PITPNC1: variants seen among roughly 807,000 people sequenced by gnomAD.
PITPNC1 encodes phosphatidylinositol transfer protein cytoplasmic 1, also known as cytoplasmic phosphatidylinositol transfer protein 1.
Under a neutral mutation model 44.7 loss-of-function variants are expected in PITPNC1, and 18 were observed. The ratio of observed to expected loss-of-function variants is 0.40; its 90% CI spans 0.28 to 0.60. PITPNC1 has a LOEUF of 0.60. Among genes scored for constraint, PITPNC1 ranks in the 20% least tolerant of loss-of-function variants. PITPNC1 has a pLI of 0.39. For missense variants in PITPNC1, 290 were observed against 418.4 expected (o/e 0.69, Z 2.68); for synonymous variants, 141 against 149.6 (o/e 0.94, Z 0.42).
intron 8 of PITPNC1, among the ~76,000 whole-genome samples, chr17:67,684,926 T>C (rs942623522): frequency 6.6e-6 from 1 of 152,224 alleles, no homozygotes; most frequent in Non-Finnish European, 1.5e-5. Context: ...ATGATTTCTG[T>C]GGGGATTCAA....
At position 67,651,521 on chromosome 17, in the gene PITPNC1, A is replaced by C. The variant is rs557925127; in HGVS notation, c.463-17987A>C. On this transcript the variant is annotated intron_variant, in intron 6 of 8. Coordinates refer to ENST00000581322, the MANE Select transcript of PITPNC1 (RefSeq NM_012417.4). ...GAATGAGACTCCGTCTAAAAAAAAA[A>C]CCCAAAAAAACAGCTTTATTGAGAT... 1.9e-4 allele frequency among the ~76,000 whole-genome samples: 28 copies of C among 150,206 alleles called. 1 individual carries two copies. The East Asian group carries it at 4.9e-3, about 26-fold the overall frequency.
At chr17:67,627,354 C>T (rs2041908680) in intron 5 of PITPNC1, among the ~76,000 whole-genome samples, 1 of 152,194 alleles carries the variant, frequency 6.6e-6, no homozygotes, top group Non-Finnish European at 1.5e-5. Flanking sequence ...GGTACCCCAC[C>T]CTGAAATATT....
intron 8 of PITPNC1, chr17:67,687,217 C>T: frequency 8.7e-7 from 1 of 1,142,872 alleles, no homozygotes; most frequent in Non-Finnish European, 1.3e-6. Context: ...GTTGCCCACC[C>T]TTTCACAAAT....
intron 2 of PITPNC1, among the ~76,000 whole-genome samples, chr17:67,537,232 A>G (rs1241567598): frequency 6.6e-6 from 1 of 152,222 alleles, no homozygotes; most frequent in African/African-American, 2.4e-5. Flanking sequence ...AGCCAATGCA[A>G]TAAAACAAGA....
In PITPNC1 at chr17:67,490,913, TCTC is replaced by T. The variant is rs1268086802; in HGVS notation, c.49-41882_49-41880del. Among the ~76,000 whole-genome samples, 3 of 152,344 alleles carry T rather than the reference TCTC, an allele frequency of 2.0e-5. No homozygotes were observed. In the East Asian group the frequency reaches 5.8e-4, roughly 29 times the overall value. ...TTCTTTCAAACTTTATACTTACTTC[TCTC>T]CTCCTCTGATTCTATTCAAGGAATG... On this transcript the variant is annotated intron_variant, in intron 1 of 8. Transcript: ENST00000581322.
At chr17:67,452,449 C>T (rs976801129) in intron 1 of PITPNC1, among the ~76,000 whole-genome samples, 20 of 151,450 alleles carry the variant, frequency 1.3e-4, no homozygotes, top group African/African-American at 4.6e-4. Context: ...CATTTGTATA[C>T]AATTCTTGGA....
intron 1 of PITPNC1, among the ~76,000 whole-genome samples, chr17:67,529,527 C>T (rs973783853): frequency 4.6e-5 from 7 of 152,342 alleles, no homozygotes; most frequent in Non-Finnish European, 7.3e-5. Flanking sequence ...AGTGCATTCT[C>T]AACGTTGTGC....
chr17:67,580,376 C>T (rs568147611), intron 5 of PITPNC1, among the ~76,000 whole-genome samples: 2 of 152,194 alleles, frequency 1.3e-5, no homozygotes, highest in African/African-American at 2.4e-5. Context: ...GACAGGGTCT[C>T]GCTCTGTCAC....
chr17:67,656,083 A>ATG (rs2042263953), intron 6 of PITPNC1, among the ~76,000 whole-genome samples: 2 of 152,204 alleles, frequency 1.3e-5, no homozygotes, highest in South Asian at 4.1e-4. Flanking sequence ...TGGAGATAAT[A>ATG]TGTGTACTTC....
Position 67,451,300 on chromosome 17 carries a change from A to G in PITPNC1, c.48+73098A>G, listed in dbSNP as rs559690027. Among the ~76,000 whole-genome samples, 3 of 152,132 alleles carry G rather than the reference A, an allele frequency of 2.0e-5. No homozygotes were observed. In the South Asian group the frequency reaches 6.2e-4, roughly 32 times the overall value. On this transcript the variant is annotated intron_variant, in intron 1 of 8. Transcript: ENST00000581322. ...ACCCACCTTGGCCTCCCAGACTGCT[A>G]AGATTACAGGTGTGAGCCACCGTGC...
intron 2 of PITPNC1, among the ~76,000 whole-genome samples, chr17:67,534,663 GAAAAGA>G (rs2144131984): frequency 6.6e-6 from 1 of 151,620 alleles, no homozygotes; most frequent in South Asian, 2.1e-4. Flanking sequence ...GAAAAGAAAA[GAAAAGA>G]ATAAAGAAAA....
chr17:67,678,024 G>A lies in PITPNC1; in HGVS notation c.682+2482G>A, dbSNP rs150232405. Among the ~76,000 whole-genome samples, 910 of 152,112 alleles carry A rather than the reference G, an allele frequency of 6.0e-3. 10 individuals carry two copies. The highest frequency in any genetic ancestry group is 0.021 in the African/African-American group (873 of 41,512). On this transcript the variant is annotated intron_variant, in intron 8 of 8. Transcript: ENST00000581322. ...GCCCAGGAATTCGAGACCAGCATGG[G>A]CGACATAGCAAGACATCATCTCTAC...
chr17:67,397,428 T>C (rs1310958849), intron 1 of PITPNC1, among the ~76,000 whole-genome samples: 10 of 152,148 alleles, frequency 6.6e-5, no homozygotes, highest in African/African-American at 2.4e-4. Context: ...TGGCCAAAAA[T>C]CTGTTCTCTA....
intron 8 of PITPNC1, among the ~76,000 whole-genome samples, chr17:67,677,033 T>G (rs1234767426): frequency 6.6e-6 from 1 of 152,152 alleles, no homozygotes; most frequent in Non-Finnish European, 1.5e-5. Flanking sequence ...AGTTGTGTTT[T>G]GTGAGGCAGG....
chr17:67,458,757 A>AT (rs202151305), intron 1 of PITPNC1, among the ~76,000 whole-genome samples: 11 of 151,660 alleles, frequency 7.3e-5, no homozygotes, highest in Non-Finnish European at 4.4e-5. Flanking sequence ...AGTGGGGGTT[A>AT]TTTTTTTTCC....
chr17:67,452,469 G>T (rs1401687196), intron 1 of PITPNC1, among the ~76,000 whole-genome samples: 2 of 151,286 alleles, frequency 1.3e-5, no homozygotes, highest in Non-Finnish European at 2.9e-5. Context: ...ATGGACATGT[G>T]CTTTCGTTCC....
At chr17:67,387,415 C>T (rs1219713138) in intron 1 of PITPNC1, among the ~76,000 whole-genome samples, 2 of 152,206 alleles carry the variant, frequency 1.3e-5, no homozygotes, top group African/African-American at 2.4e-5. Flanking sequence ...CCTGTAATCC[C>T]AGCACTTTGG....
At chr17:67,510,530 C>A (rs1411735813) in intron 1 of PITPNC1, among the ~76,000 whole-genome samples, 1 of 152,180 alleles carries the variant, frequency 6.6e-6, no homozygotes, top group Non-Finnish European at 1.5e-5. Context: ...CTTCACTACT[C>A]AAGAGGGCGC....
chr17:67,456,550 T>C (rs2039257535), intron 1 of PITPNC1, among the ~76,000 whole-genome samples: 2 of 152,140 alleles, frequency 1.3e-5, no homozygotes, highest in African/African-American at 4.8e-5. Context: ...TCTTTTTCTC[T>C]CTACTAGCTT....
Sources: allele counts gnomAD v4.1 joint callset (sites outside exome capture counted in the v4.1 genomes callset), GRCh38; gene constraint gnomAD v4.1.1; transcripts MANE v1.5; gene names NCBI Gene and HGNC (gene_info 2026-07-23, HGNC 2026-07-21).